The following PLCH1 variants were observed in gnomAD, a reference collection of about 807,000 sequenced individuals.
The protein encoded by PLCH1 is 1-phosphatidylinositol 4,5-bisphosphate phosphodiesterase eta-1.
In PLCH1, 60 loss-of-function variants were observed where a neutral mutation model predicts 126.7. The observed-to-expected ratio is 0.47, with a 90% CI of 0.38 to 0.59. The LOEUF (loss-of-function observed/expected upper bound fraction) is 0.59, where lower values mean the gene tolerates loss of function less well. Ranked by LOEUF, PLCH1 falls within the 20% of genes least tolerant of loss-of-function variation. The probability of loss-of-function intolerance (pLI) is 0.00; values close to 1 mark genes in which losing one functional copy is unlikely to be tolerated. For synonymous variants in PLCH1, 719 were observed against 734.9 expected, an observed-to-expected ratio of 0.98 and a Z score of 0.35; for missense variants, 1,723 against 2,040.0, an observed-to-expected ratio of 0.84 and a Z score of 2.99.
In PLCH1 at chr3:155,543,369, C is replaced by A. The variant is rs542271872; in HGVS notation, c.1362+6418G>T. Among the ~76,000 whole-genome samples, 366 of 152,222 alleles carry A rather than the reference C, an allele frequency of 2.4e-3. 1 individual carries two copies. The highest frequency in any genetic ancestry group is 4.4e-4 in the Non-Finnish European group (30 of 68,006). On this transcript the variant is annotated intron_variant, in intron 10 of 22. Transcript: ENST00000460012. ...AATAAAAAGAAATGAACAAAGCCTCCAAGAAATATGGGACTATGTGAAAAG... is the reference window on the plus strand; with the variant it reads ...AATAAAAAGAAATGAACAAAGCCTCAAAGAAATATGGGACTATGTGAAAAG...
In PLCH1 at chr3:155,641,536, T is replaced by C. The variant is rs977153666; in HGVS notation, c.80-45158A>G. Among the ~76,000 whole-genome samples the C allele has an allele frequency of 3.9e-5, 6 of 151,966 alleles. No individual in the cohort carries two copies. The South Asian group carries it at 1.0e-3, about 26-fold the overall frequency. On this transcript the variant is annotated intron_variant, in intron 2 of 22. Coordinates refer to ENST00000460012, the MANE Select transcript of PLCH1 (RefSeq NM_014996.4). Reference sequence around the variant, plus strand: ...AGAAATATTAAAGGGAGTTCTTCAATCTGCAAAAAAAGGATGTTAACAAGC... The same window carrying C: ...AGAAATATTAAAGGGAGTTCTTCAACCTGCAAAAAAAGGATGTTAACAAGC...
intron 6 of PLCH1, among the ~76,000 whole-genome samples, chr3:155,582,590 G>A (rs893297181): frequency 6.6e-6 from 1 of 152,064 alleles, no homozygotes; most frequent in African/African-American, 2.4e-5. Flanking sequence ...CCAAATATTT[G>A]ATGATTTTTT....
At chr3:155,738,091 T>A (rs1749331556) in intron 1 of PLCH1, among the ~76,000 whole-genome samples, 1 of 152,166 alleles carries the variant, frequency 6.6e-6, no homozygotes, top group South Asian at 2.1e-4. Flanking sequence ...GTAAGTCTCT[T>A]GCTCAGTGCA....
rs1461104170 is a variant in PLCH1, at chr3:155,738,399, T to C, written c.-41+6441A>G. On this transcript the variant is annotated intron_variant, in intron 1 of 22. Transcript: ENST00000460012. ...GCTCGTGCCTGTAATCTCAACACTT[T>C]GGGAGGTAGAGGTCGGAGGATTGCT... Among the ~76,000 whole-genome samples, 5 of 152,112 alleles carry C rather than the reference T, an allele frequency of 3.3e-5. No individual in the cohort carries two copies. In the South Asian group the frequency reaches 6.2e-4, roughly 19 times the overall value.
intron 6 of PLCH1, among the ~76,000 whole-genome samples, chr3:155,578,403 A>G (rs1730245622): frequency 6.6e-6 from 1 of 152,248 alleles, no homozygotes; most frequent in South Asian, 2.1e-4. Context: ...TTTCTAAAAC[A>G]TATGTGATTA....
intron 21 of PLCH1, among the ~76,000 whole-genome samples, chr3:155,458,397 GGAA>G (rs1560027116): frequency 4.1e-5 from 1 of 24,570 alleles, no homozygotes; most frequent in Non-Finnish European, 6.7e-5. Flanking sequence ...AAGGAAGGAA[GGAA>G]GGAAGGAAGG....
rs201512706 is a variant in PLCH1, at chr3:155,500,738, C to G, written c.1761G>C (p.Gln587His). 2.5e-6 allele frequency: 4 copies of G among 1,613,476 alleles called. No individual in the cohort carries two copies. The highest frequency in any genetic ancestry group is 3.4e-6 in the Non-Finnish European group (4 of 1,179,534). Residue 587 changes from glutamine (Q) to histidine (H), a missense_variant, in exon 14 of 23, where the codon CAG becomes CAC. By Grantham distance (24) the Gln-to-His change is conservative. Transcript: ENST00000460012. ...SYSTDDEEDT[Q>H]QSTGKEGGQL... ...GGCCACCCTCCTTGCCAGTACTCTG[C>G]TGTGTGTCTTCCTCATCATCAGTAC...
At chr3:155,538,152 G>A (rs1179508475) in intron 10 of PLCH1, among the ~76,000 whole-genome samples, 2 of 152,104 alleles carry the variant, frequency 1.3e-5, no homozygotes, top group Non-Finnish European at 2.9e-5. Flanking sequence ...AATAATTGTT[G>A]CGTCAACAAT....
Position 155,656,049 on chromosome 3 carries a change from A to G in PLCH1, c.79+48097T>C, listed in dbSNP as rs573687945. 3.5e-4 allele frequency among the ~76,000 whole-genome samples: 54 copies of G among 152,290 alleles called. 1 individual carries two copies. The highest frequency in any genetic ancestry group is 1.3e-3 in the African/African-American group (54 of 41,580). ...AGATAATCTTCTACTGACTCAACGA[A>G]ATAAATTTGAAAATCTAAATAAAAG... On this transcript the variant is annotated intron_variant, in intron 2 of 22. Coordinates refer to ENST00000460012, the MANE Select transcript of PLCH1 (RefSeq NM_014996.4).
rs574151237 is a variant in PLCH1 at position 155,460,660 on chromosome 3, G to A, written c.2938+24696C>T. Among the ~76,000 whole-genome samples the A allele has an allele frequency of 7.8e-4, 119 of 152,210 alleles. 2 individuals are homozygous for A. The South Asian group carries it at 0.023, about 29-fold the overall frequency. On this transcript the variant is annotated intron_variant, in intron 21 of 21. Transcript: ENST00000494598. ...AACTGCAGAAATTAGTACCAACAAA[G>A]ACTTAAAGGATTCATGGATGGCAAT...
At chr3:155,562,543 C>T (rs990590398) in intron 8 of PLCH1, among the ~76,000 whole-genome samples, 5 of 152,278 alleles carry the variant, frequency 3.3e-5, no homozygotes, top group African/African-American at 9.6e-5. Flanking sequence ...CTTCTCTAAG[C>T]AGATGAGTAC....
chr3:155,740,209 G>T (rs1020183275), intron 1 of PLCH1, among the ~76,000 whole-genome samples: 1 of 151,936 alleles, frequency 6.6e-6, no homozygotes. Flanking sequence ...TCAGGAGTTC[G>T]AGACCAGTCT....
At chr3:155,627,096 G>A (rs1464496317) in intron 2 of PLCH1, among the ~76,000 whole-genome samples, 1 of 152,160 alleles carries the variant, frequency 6.6e-6, no homozygotes, top group African/African-American at 2.4e-5. Flanking sequence ...AATTTTTCAT[G>A]TTAAAAAGCC....
rs182327614 is a variant in PLCH1 at position 155,608,633 on chromosome 3, G to T, written c.80-12255C>A. Among the ~76,000 whole-genome samples, 638 of 152,054 alleles carry T rather than the reference G, an allele frequency of 4.2e-3. 1 individual carries two copies. The highest frequency in any genetic ancestry group is 7.1e-3 in the Admixed American group (108 of 15,274). On this transcript the variant is annotated intron_variant, in intron 2 of 22. Coordinates refer to ENST00000460012, the MANE Select transcript of PLCH1 (RefSeq NM_014996.4). Reference sequence around the variant, plus strand: ...CTCTGGAAACCTGTATGCGCAGTGAGGCAGCCGTAATTACTCTTGGAACAT... The same window carrying T: ...CTCTGGAAACCTGTATGCGCAGTGATGCAGCCGTAATTACTCTTGGAACAT...
chr3:155,675,762 T>C (rs763789014), intron 2 of PLCH1, among the ~76,000 whole-genome samples: 1 of 152,204 alleles, frequency 6.6e-6, no homozygotes, highest in Non-Finnish European at 1.5e-5. Flanking sequence ...AATGATATAC[T>C]TTCAGTTTGC....
chr3:155,494,109 C>T (rs1451377291), intron 17 of PLCH1, 32 bp downstream of exon 17: 2 of 1,503,244 alleles, frequency 1.3e-6, no homozygotes, highest in Non-Finnish European at 1.9e-6. Context: ...TTAACACACA[C>T]CTGCATTTAT....
At chr3:155,539,474 C>T (rs993028015) in intron 10 of PLCH1, among the ~76,000 whole-genome samples, 1 of 152,010 alleles carries the variant, frequency 6.6e-6, no homozygotes, top group Admixed American at 6.6e-5. Context: ...TGTTGCTGTT[C>T]GCTGATGATA....
At chr3:155,714,698 G>C (rs562144653) in intron 1 of PLCH1, among the ~76,000 whole-genome samples, 1 of 152,278 alleles carries the variant, frequency 6.6e-6, no homozygotes, top group East Asian at 1.9e-4. Flanking sequence ...AGACACCCGG[G>C]ATGCTGCATT....
At chr3:155,653,152 GATATAGATATAGATATAGATATAGATA>G (rs1740926424) in intron 2 of PLCH1, among the ~76,000 whole-genome samples, 1 of 103,990 alleles carries the variant, frequency 9.6e-6, no homozygotes, top group African/African-American at 3.3e-5. Flanking sequence ...TATAGATATA[GATATAGATATAGATATAGATATAGATA>G]TAGATATAGA....
Sources: allele counts gnomAD v4.1 joint callset (sites outside exome capture counted in the v4.1 genomes callset), GRCh38; gene constraint gnomAD v4.1.1; transcripts MANE v1.5; gene names NCBI Gene and HGNC (gene_info 2026-07-23, HGNC 2026-07-21).